The following AGBL4 variants were observed in gnomAD, a reference collection of about 807,000 sequenced individuals.
AGBL4 encodes cytosolic carboxypeptidase 6.
In AGBL4, 58 loss-of-function variants were observed where a neutral mutation model predicts 66.4. The ratio of observed to expected loss-of-function variants is 0.87; its 90% CI spans 0.71 to 1.09. The LOEUF is 1.09. AGBL4 is among the 50% of genes least tolerant of loss of function. The pLI, the probability that AGBL4 is intolerant of heterozygous loss-of-function variation, is 0.00. For synonymous variants in AGBL4, 234 were observed against 222.9 expected (o/e 1.05, Z -0.44); for missense variants, 579 against 631.0 (o/e 0.92, Z 0.88).
intron 6 of AGBL4, among the ~76,000 whole-genome samples, chr1:48,702,429 T>A (rs1646816737): frequency 6.6e-6 from 1 of 152,068 alleles, no homozygotes; most frequent in African/African-American, 2.4e-5. Context: ...GTAGCTGGGA[T>A]TACAGGTGCC....
chr1:49,677,555 A>G (rs1244240638), intron 3 of AGBL4, among the ~76,000 whole-genome samples: 1 of 152,076 alleles, frequency 6.6e-6, no homozygotes, highest in Non-Finnish European at 1.5e-5. Context: ...TATCTTTTTA[A>G]CTTGCACTCT....
chr1:49,490,315 T>C (rs538075391), intron 3 of AGBL4, among the ~76,000 whole-genome samples: 1 of 151,922 alleles, frequency 6.6e-6, no homozygotes, highest in East Asian at 1.9e-4. Context: ...ATGTTGTAAC[T>C]TATTTTAAAT....
At chr1:49,609,713 T>C (rs752290932) in intron 3 of AGBL4, among the ~76,000 whole-genome samples, 1 of 152,132 alleles carries the variant, frequency 6.6e-6, no homozygotes, top group Non-Finnish European at 1.5e-5. Flanking sequence ...GTAATAAGCA[T>C]AGTACCCAAT....
intron 6 of AGBL4, among the ~76,000 whole-genome samples, chr1:48,702,088 C>T (rs1646811193): frequency 6.6e-6 from 1 of 152,072 alleles, no homozygotes; most frequent in Non-Finnish European, 1.5e-5. Context: ...GACTATTCAC[C>T]CCCATGCCAA....
At chr1:49,109,986 C>T (rs566382525) in intron 4 of AGBL4, among the ~76,000 whole-genome samples, 1 of 152,300 alleles carries the variant, frequency 6.6e-6, no homozygotes, top group South Asian at 2.1e-4. Context: ...TCTCCCCCAT[C>T]AACACACACA....
chr1:49,557,092 T>C (rs1558049022), intron 3 of AGBL4, among the ~76,000 whole-genome samples: 1 of 151,912 alleles, frequency 6.6e-6, no homozygotes, highest in East Asian at 1.9e-4. Flanking sequence ...AGCCTCTCCC[T>C]CCACACCTCC....
intron 5 of AGBL4, among the ~76,000 whole-genome samples, chr1:48,913,153 C>A (rs755974442): frequency 1.8e-4 from 27 of 152,076 alleles, no homozygotes; most frequent in Non-Finnish European, 3.7e-4. Flanking sequence ...ACCTTGGAAG[C>A]CACGTTAAAA....
chr1:49,762,495 C>T (rs953847155), intron 2 of AGBL4, among the ~76,000 whole-genome samples: 6 of 151,450 alleles, frequency 4.0e-5, no homozygotes, highest in African/African-American at 1.5e-4. Context: ...TCACTGAAAG[C>T]TCCGTCTTCC....
chr1:49,409,567 T>G (rs2148624854), intron 3 of AGBL4, among the ~76,000 whole-genome samples: 1 of 152,306 alleles, frequency 6.6e-6, no homozygotes, highest in East Asian at 1.9e-4. Flanking sequence ...ACAGAGCTAC[T>G]TAGAGATTTC....
intron 3 of AGBL4, among the ~76,000 whole-genome samples, chr1:49,670,097 C>T (rs1423303696): frequency 1.3e-5 from 2 of 152,000 alleles, no homozygotes; most frequent in East Asian, 3.9e-4. Context: ...ATTTAAAAAT[C>T]ACAACAATCT....
chr1:49,882,726 G>T (rs577140828), intron 1 of AGBL4, among the ~76,000 whole-genome samples: 1 of 152,242 alleles, frequency 6.6e-6, no homozygotes, highest in South Asian at 2.1e-4. Context: ...TGTGATTTTT[G>T]TACATTGATT....
At chr1:49,224,866 T>G (rs989933750) in intron 4 of AGBL4, among the ~76,000 whole-genome samples, 3 of 152,230 alleles carry the variant, frequency 2.0e-5, no homozygotes, top group African/African-American at 7.2e-5. Context: ...TGACAGTAAA[T>G]TGTAGCACTG....
At chr1:49,213,481 A>G (rs1462312751) in intron 4 of AGBL4, among the ~76,000 whole-genome samples, 3 of 151,816 alleles carry the variant, frequency 2.0e-5, no homozygotes, top group African/African-American at 2.4e-5. Flanking sequence ...TGCCTGTTTG[A>G]AAGTGTGTGA....
intron 8 of AGBL4, among the ~76,000 whole-genome samples, chr1:48,651,323 A>G (rs1407449056): frequency 6.6e-6 from 1 of 152,094 alleles, no homozygotes; most frequent in Non-Finnish European, 1.5e-5. Flanking sequence ...AGCCCTCATC[A>G]CCATCCCAGT....
At chr1:48,960,913 C>G (rs189709845) in intron 5 of AGBL4, among the ~76,000 whole-genome samples, 120 of 152,330 alleles carry the variant, frequency 7.9e-4, no homozygotes, top group African/African-American at 2.7e-3. Flanking sequence ...GTTCAACTAT[C>G]TATAATACAC....
chr1:48,695,722 C>T (rs1315655925), intron 6 of AGBL4, among the ~76,000 whole-genome samples: 1 of 152,158 alleles, frequency 6.6e-6, no homozygotes, highest in African/African-American at 2.4e-5. Context: ...CAGAGGAGGA[C>T]AGCTAAATTC....
At chr1:49,621,411 G>A (rs1645358489) in intron 3 of AGBL4, among the ~76,000 whole-genome samples, 1 of 152,184 alleles carries the variant, frequency 6.6e-6, no homozygotes, top group Admixed American at 6.5e-5. Flanking sequence ...GAGAACAAAG[G>A]AAGGAGGAAG....
At chr1:49,395,848 T>C (rs1461260168) in intron 3 of AGBL4, among the ~76,000 whole-genome samples, 45 of 126,424 alleles carry the variant, frequency 3.6e-4, no homozygotes, top group East Asian at 1.2e-3. Context: ...TATATATATA[T>C]ACACACATAA....
chr1:48,638,008 C>T (rs1163113965), intron 8 of AGBL4, among the ~76,000 whole-genome samples: 3 of 152,164 alleles, frequency 2.0e-5, no homozygotes, highest in Non-Finnish European at 4.4e-5. Context: ...AATCATAAAA[C>T]AATTGTATCC....
Sources: allele counts gnomAD v4.1 joint callset (sites outside exome capture counted in the v4.1 genomes callset), GRCh38; gene constraint gnomAD v4.1.1; transcripts MANE v1.5; gene names NCBI Gene and HGNC (gene_info 2026-07-23, HGNC 2026-07-21).